The following MAP2K5 variants were observed in gnomAD, a reference collection of about 807,000 sequenced individuals.
MAP2K5 encodes mitogen-activated protein kinase kinase 5, also known as dual specificity mitogen-activated protein kinase kinase 5.
A neutral mutation model predicts 83.1 loss-of-function variants in MAP2K5; 49 were observed. The ratio of observed to expected loss-of-function variants is 0.59; its 90% CI spans 0.47 to 0.75. The LOEUF (loss-of-function observed/expected upper bound fraction) is 0.75, where lower values mean the gene tolerates loss of function less well. MAP2K5 is among the 30% of genes least tolerant of loss of function. The pLI is 0.00. For synonymous variants in MAP2K5, 202 were observed against 191.8 expected, an observed-to-expected ratio of 1.05 and a Z score of -0.44; for missense variants, 457 against 557.5, an observed-to-expected ratio of 0.82 and a Z score of 1.82.
chr15:67,678,571 A>C (rs1419993537), intron 13 of MAP2K5, among the ~76,000 whole-genome samples: 2 of 152,252 alleles, frequency 1.3e-5, no homozygotes, highest in African/African-American at 4.8e-5. Flanking sequence ...CCTGATGTGA[A>C]TAGGTCACAA....
chr15:67,609,559 A>AATAGACT (rs1567307215), intron 8 of MAP2K5, among the ~76,000 whole-genome samples: 1 of 51,922 alleles, frequency 1.9e-5, no homozygotes, highest in Non-Finnish European at 4.9e-5. Context: ...AGGTCTGTAG[A>AATAGACT]TTCTGTAGAC....
chr15:67,713,634 G>T (rs1374481138), intron 16 of MAP2K5, among the ~76,000 whole-genome samples: 1 of 152,108 alleles, frequency 6.6e-6, no homozygotes, highest in Non-Finnish European at 1.5e-5. Context: ...TACTTGGGAG[G>T]CTGAGGCAGG....
chr15:67,758,295 G>A lies in MAP2K5; in HGVS notation c.1134+9694G>A, dbSNP rs2089879505. 6.6e-6 allele frequency among the ~76,000 whole-genome samples: 1 copy of A among 152,104 alleles called. No homozygotes were observed. The highest frequency in any genetic ancestry group is 1.5e-5 in the Non-Finnish European group (1 of 68,026). On this transcript the variant is annotated intron_variant, in intron 19 of 21. Transcript: ENST00000178640. This position sits in a 1 kb window ranked among gnomAD's most constrained non-coding sequence, Gnocchi z 4.7. Reference sequence around the variant, plus strand: ...CATTTGGTAAATAACTAGATATAAGGGAGGGTAGGGAGGTAGGGTCAGGGA... The same window carrying A: ...CATTTGGTAAATAACTAGATATAAGAGAGGGTAGGGAGGTAGGGTCAGGGA...
At position 67,768,870 on chromosome 15, in the gene MAP2K5, G is replaced by A. The variant is rs1012885161; in HGVS notation, c.1135-732G>A. Among the ~76,000 whole-genome samples, 7 of 152,126 alleles carry A rather than the reference G, an allele frequency of 4.6e-5. No individual in the cohort carries two copies. The highest frequency in any genetic ancestry group is 1.0e-4 in the Non-Finnish European group (7 of 68,014). On this transcript the variant is annotated intron_variant, in intron 19 of 21. Transcript: ENST00000178640. This position sits in a 1 kb window ranked among gnomAD's most constrained non-coding sequence, Gnocchi z 4.0. ...ATTCTTAAAGCCTTCCTTTGCAAAC[G>A]GTAATGGGGTTTGCTCTTTGTATTA...
chr15:67,759,091 A>AAT (rs1412742603), intron 19 of MAP2K5, among the ~76,000 whole-genome samples: 1 of 152,160 alleles, frequency 6.6e-6, no homozygotes. Flanking sequence ...TTTCTATTGA[A>AAT]ATACAATAAG....
chr15:67,600,635 T>A, intron 7 of MAP2K5, 50 bp from the exon 8 acceptor site: 2 of 1,481,268 alleles, frequency 1.4e-6, no homozygotes, highest in South Asian at 2.3e-5. Context: ...TCCTTGACAT[T>A]TCCATCCACA....
At chr15:67,653,582 C>T (rs1395792031) in intron 11 of MAP2K5, among the ~76,000 whole-genome samples, 1 of 152,152 alleles carries the variant, frequency 6.6e-6, no homozygotes, top group Non-Finnish European at 1.5e-5. Flanking sequence ...AGGTGTGAGC[C>T]ACCACACCCA....
rs2090120704 is a variant in MAP2K5, at chr15:67,770,454, C to T, written c.1196+791C>T. Among the ~76,000 whole-genome samples, 1 of 152,164 alleles carries T rather than the reference C, an allele frequency of 6.6e-6. No individual in the cohort carries two copies. Among genetic ancestry groups the T allele is most frequent in the African/African-American group, 2.4e-5 (1 of 41,458 alleles). Reference sequence around the variant, plus strand: ...TCCCTCACTCCAGCACAGAGAATTACCTAGGAGAGAGGAGGAATTCAGGAA... The same window carrying T: ...TCCCTCACTCCAGCACAGAGAATTATCTAGGAGAGAGGAGGAATTCAGGAA... On this transcript the variant is annotated intron_variant, in intron 20 of 21. Transcript: ENST00000178640. The surrounding 1 kb of genome is among the most constrained non-coding windows in gnomAD (Gnocchi z 5.0).
intron 4 of MAP2K5, among the ~76,000 whole-genome samples, chr15:67,582,492 G>A (rs767128052): frequency 2.0e-4 from 31 of 152,132 alleles, no homozygotes; most frequent in South Asian, 6.2e-4. Context: ...TTATAGCTCT[G>A]CCATAGAAAA....
At chr15:67,567,199 T>C (rs961559930) in intron 3 of MAP2K5, among the ~76,000 whole-genome samples, 1 of 152,182 alleles carries the variant, frequency 6.6e-6, no homozygotes, top group Admixed American at 6.5e-5. Flanking sequence ...TACAGCACCA[T>C]TGTGATAGCT....
rs1036980921 is a variant in MAP2K5, at chr15:67,764,545, C to T, written c.1135-5057C>T. Among the ~76,000 whole-genome samples the T allele has an allele frequency of 1.3e-5, 2 of 152,166 alleles. No individual in the cohort carries two copies. The highest frequency in any genetic ancestry group is 4.8e-5 in the African/African-American group (2 of 41,422). On this transcript the variant is annotated intron_variant, in intron 19 of 21. Coordinates refer to ENST00000178640, the MANE Select transcript of MAP2K5 (RefSeq NM_145160.3). The surrounding 1 kb of genome is among the most constrained non-coding windows in gnomAD (Gnocchi z 4.9). Reference sequence around the variant, plus strand: ...TGCAGGGCTGGTTATTAGGGATGTACATCTTATCCCTCTGAACAATACACA... The same window carrying T: ...TGCAGGGCTGGTTATTAGGGATGTATATCTTATCCCTCTGAACAATACACA...
chr15:67,797,751 C>T (rs544492713), intron 21 of MAP2K5, among the ~76,000 whole-genome samples: 3 of 152,132 alleles, frequency 2.0e-5, no homozygotes, highest in South Asian at 2.1e-4. Flanking sequence ...GGCGTGATCT[C>T]GGCTCACTGC....
intron 4 of MAP2K5, among the ~76,000 whole-genome samples, chr15:67,581,230 T>C (rs2140994432): frequency 6.6e-6 from 1 of 152,294 alleles, no homozygotes; most frequent in African/African-American, 2.4e-5. Flanking sequence ...ACTGAGGTGT[T>C]AGGAGAGAAA....
chr15:67,751,345 G>A (rs954607640), intron 19 of MAP2K5, among the ~76,000 whole-genome samples: 2 of 152,142 alleles, frequency 1.3e-5, no homozygotes. Flanking sequence ...CTGAATTGTC[G>A]CTGGCTAGCT....
rs1240026637 is a variant in MAP2K5 at position 67,785,933 on chromosome 15, A to T, written c.1242+13181A>T. Among the ~76,000 whole-genome samples, 2 of 152,206 alleles carry T rather than the reference A, an allele frequency of 1.3e-5. No individual in the cohort carries two copies. Among genetic ancestry groups the T allele is most frequent in the Non-Finnish European group, 2.9e-5 (2 of 68,034 alleles). On this transcript the variant is annotated intron_variant, in intron 21 of 21. Transcript: ENST00000178640. The surrounding 1 kb of genome is among the most constrained non-coding windows in gnomAD (Gnocchi z 4.4). ...GAAACTGGGCAGGCAACAGCTGTTT[A>T]CTTAGCCCATCTGAGCCTGAGCTGC...
At chr15:67,699,905 G>A (rs1346916612) in intron 15 of MAP2K5, among the ~76,000 whole-genome samples, 3 of 150,740 alleles carry the variant, frequency 2.0e-5, no homozygotes, top group African/African-American at 7.3e-5. Flanking sequence ...CTGAATTCAA[G>A]CAGTCTAACT....
intron 21 of MAP2K5, among the ~76,000 whole-genome samples, chr15:67,804,538 C>T (rs545457533): frequency 1.6e-4 from 24 of 152,378 alleles, no homozygotes; most frequent in African/African-American, 5.5e-4. Flanking sequence ...TACCGGGGCA[C>T]TTGGGCAAAC....
In MAP2K5 at chr15:67,577,845, A is replaced by G. The variant is rs541368961; in HGVS notation, c.253-2909A>G. 3.3e-5 allele frequency among the ~76,000 whole-genome samples: 5 copies of G among 152,258 alleles called. No individual in the cohort carries two copies. The South Asian group carries it at 1.0e-3, about 32-fold the overall frequency. ...GTGAAACCCCATCTCTACTAAAAATACAAAAATTAGCCGGGCCAGTGGTGG... is the reference window on the plus strand; with the variant it reads ...GTGAAACCCCATCTCTACTAAAAATGCAAAAATTAGCCGGGCCAGTGGTGG... On this transcript the variant is annotated intron_variant, in intron 3 of 21. Coordinates refer to ENST00000178640, the MANE Select transcript of MAP2K5 (RefSeq NM_145160.3). The surrounding 1 kb of genome is among the most constrained non-coding windows in gnomAD (Gnocchi z 4.1).
intron 21 of MAP2K5, among the ~76,000 whole-genome samples, chr15:67,789,584 G>A (rs1040146429): frequency 1.3e-5 from 2 of 151,976 alleles, no homozygotes; most frequent in African/African-American, 4.8e-5. Flanking sequence ...TGTGGTGGGG[G>A]GACCCTGTAA....
Sources: gnomAD v4.1 joint callset for allele counts (sites outside exome capture counted in the v4.1 genomes callset) on GRCh38, gnomAD v4.1.1 for gene constraint, Gnocchi (gnomAD v3.1) non-coding constraint, MANE v1.5 for transcripts, NCBI Gene and HGNC (gene_info 2026-07-23, HGNC 2026-07-21) for gene names.